TARBP1: variants seen among roughly 807,000 people sequenced by gnomAD.
The protein encoded by TARBP1 is tRNA guanosine 2 -O-methyltransferase TARBP1, also known as tRNA (guanosine(18)-2'-O)-methyltransferase TARBP1.
TARBP1 carries 144 observed loss-of-function variants against 178.6 expected under a neutral mutation model. That is an observed-to-expected ratio of 0.81 (90% CI 0.70 to 0.93). TARBP1 has a LOEUF of 0.93. TARBP1 is among the 40% of genes least tolerant of loss of function. TARBP1 has a pLI of 0.00. For synonymous variants in TARBP1, 787 were observed against 781.0 expected (o/e 1.01, Z -0.13); for missense variants, 2,067 against 2,011.7 (o/e 1.03, Z -0.53).
chr1:234,391,726 G>C lies in TARBP1; in HGVS notation c.4717C>G (p.Pro1573Ala). The C allele has an allele frequency of 6.2e-7, 1 of 1,613,130 alleles. No homozygotes were observed. Among genetic ancestry groups the C allele is most frequent in the Non-Finnish European group, 8.5e-7 (1 of 1,179,814 alleles). ...LLLGNEREGI[P>A]ANLIQQLDVC... Reference sequence around the variant, plus strand: ...TCCAACTGTTGGATCAGATTTGCTGGAATTCCCTCACGTTCATTTCTGAGG... The same window carrying C: ...TCCAACTGTTGGATCAGATTTGCTGCAATTCCCTCACGTTCATTTCTGAGG... The change falls in exon 30 of 30, where the codon CCA (proline) becomes GCA (alanine). Residue 1573 changes from proline to alanine, a missense_variant. Physicochemically the swap from Pro to Ala is conservative, Grantham distance 27. Coordinates refer to ENST00000040877, the MANE Select transcript of TARBP1 (RefSeq NM_005646.4).
intron 13 of TARBP1, among the ~76,000 whole-genome samples, chr1:234,433,961 A>C (rs1367334405): frequency 6.6e-6 from 1 of 152,236 alleles, no homozygotes; most frequent in Non-Finnish European, 1.5e-5. Context: ...CTTCTCACAA[A>C]AAAGATCACT....
At chr1:234,433,736 C>G (rs1408512318) in intron 13 of TARBP1, among the ~76,000 whole-genome samples, 165 bp from the exon 14 acceptor site, 3 of 152,234 alleles carry the variant, frequency 2.0e-5, no homozygotes, top group Non-Finnish European at 4.4e-5. Context: ...CCACGCAGAG[C>G]TAAGGACTTC....
At chr1:234,434,070 C>A (rs1664762977) in intron 13 of TARBP1, among the ~76,000 whole-genome samples, 1 of 152,160 alleles carries the variant, frequency 6.6e-6, no homozygotes, top group Non-Finnish European at 1.5e-5. Flanking sequence ...TTCAGCTCTA[C>A]CATGCACCAG....
At chr1:234,413,106 G>T (rs1662027981) in intron 22 of TARBP1, among the ~76,000 whole-genome samples, 1 of 152,182 alleles carries the variant, frequency 6.6e-6, no homozygotes, top group African/African-American at 2.4e-5. Context: ...CACCAGAGCT[G>T]CTCCTGCCAT....
intron 17 of TARBP1, among the ~76,000 whole-genome samples, chr1:234,428,897 A>G (rs1030973384): frequency 6.6e-6 from 1 of 152,326 alleles, no homozygotes; most frequent in Admixed American, 6.5e-5. Flanking sequence ...TAAACACTGT[A>G]TGAACCAAAC....
intron 9 of TARBP1, among the ~76,000 whole-genome samples, chr1:234,451,813 C>G (rs1321568882): frequency 6.6e-6 from 1 of 151,130 alleles, no homozygotes; most frequent in Non-Finnish European, 1.5e-5. Context: ...AAAGACACCA[C>G]ACAGGTACAA....
intron 6 of TARBP1, among the ~76,000 whole-genome samples, chr1:234,460,890 A>G (rs1667790005): frequency 6.6e-6 from 1 of 152,262 alleles, no homozygotes; most frequent in African/African-American, 2.4e-5. Context: ...GTGCCATAAC[A>G]AGGATAAACC....
At chr1:234,414,304 G>A (rs1662177832) in intron 22 of TARBP1, among the ~76,000 whole-genome samples, 1 of 152,306 alleles carries the variant, frequency 6.6e-6, no homozygotes, top group South Asian at 2.1e-4. Context: ...AGGGGAAGAT[G>A]TGTGGCATAC....
intron 12 of TARBP1, among the ~76,000 whole-genome samples, chr1:234,444,169 C>T (rs1043583965): frequency 6.6e-6 from 1 of 152,036 alleles, no homozygotes; most frequent in Non-Finnish European, 1.5e-5. Flanking sequence ...AAACCTACGT[C>T]AGGAAGAAAA....
Position 234,429,327 on chromosome 1 carries a change from G to A in TARBP1, c.2872-3C>T, listed in dbSNP as rs1664138371. 2 of 1,565,526 alleles carry A rather than the reference G, an allele frequency of 1.3e-6. No individual in the cohort carries two copies. Among genetic ancestry groups the A allele is most frequent in the Non-Finnish European group, 8.6e-7 (1 of 1,164,454 alleles). On this transcript the variant is annotated splice_region_variant and splice_polypyrimidine_tract_variant and intron_variant, in intron 16 of 29. Transcript: ENST00000040877. ...AGTGATTCAGAGGAAGTCAGAAGCT[G>A]GTAGGAAAAAAAAAAATACATACTT...
Position 234,433,446 on chromosome 1 carries a change from T to A in TARBP1, c.2358A>T (p.Ala786=). The part of the protein sequence containing the change: ...IWRVISLLKN[A]SIQHLQEMDS... ...CCATCTCTTGAAGATGCTGAATGGA[T>A]GCATTTTTCAAAAGAGAAATAACTC... Residue 786 remains alanine (A), a synonymous_variant, in exon 14 of 30, where the codon GCA becomes GCT. Transcript: ENST00000040877. 1 of 1,613,808 alleles carries A rather than the reference T, an allele frequency of 6.2e-7. No homozygotes were observed. Among genetic ancestry groups the A allele is most frequent in the Non-Finnish European group, 8.5e-7 (1 of 1,179,968 alleles).
At chr1:234,429,812 C>T in intron 15 of TARBP1, 135 bp from the exon 16 acceptor site, 1 of 1,060,590 alleles carries the variant, frequency 9.4e-7, no homozygotes, top group Non-Finnish European at 1.3e-6. Flanking sequence ...TATCAAACAG[C>T]CTATCTACCA....
intron 21 of TARBP1, among the ~76,000 whole-genome samples, chr1:234,419,140 T>G (rs1405997456): frequency 6.6e-6 from 1 of 151,866 alleles, no homozygotes; most frequent in Non-Finnish European, 1.5e-5. Context: ...GCCACTGCAC[T>G]CCAGCCTGGG....
intron 28 of TARBP1, 142 bp downstream of exon 28, chr1:234,393,220 G>A (rs1157737433): frequency 1.2e-6 from 1 of 837,298 alleles, no homozygotes; most frequent in African/African-American, 1.7e-5. Flanking sequence ...TATAAATTAT[G>A]CAAAAGGACT....
intron 12 of TARBP1, among the ~76,000 whole-genome samples, chr1:234,442,773 C>T (rs1665718022): frequency 6.6e-6 from 1 of 152,132 alleles, no homozygotes; most frequent in Non-Finnish European, 1.5e-5. Flanking sequence ...CAAGGGAAAG[C>T]TTAGGCCTTG....
intron 22 of TARBP1, among the ~76,000 whole-genome samples, chr1:234,411,583 CAG>C (rs1661827497): frequency 6.6e-6 from 1 of 152,124 alleles, no homozygotes; most frequent in Non-Finnish European, 1.5e-5. Flanking sequence ...GCCAGTTTGG[CAG>C]AGAGTGATGG....
At chr1:234,424,683 T>C (rs559375896) in intron 20 of TARBP1, among the ~76,000 whole-genome samples, 1 of 152,274 alleles carries the variant, frequency 6.6e-6, no homozygotes, top group East Asian at 1.9e-4. Context: ...CCCAGCACTT[T>C]GGGAGGCCAA....
In TARBP1 at chr1:234,409,634, G is replaced by A. The variant is rs186364952; in HGVS notation, c.3792+811C>T. On this transcript the variant is annotated intron_variant, in intron 23 of 29. Coordinates refer to ENST00000040877, the MANE Select transcript of TARBP1 (RefSeq NM_005646.4). ...ATTTTAGAGGAAAATGTGGTGTGGAGAAAGGCCTGTCTTTGAATGGATGAA... is the reference window on the plus strand; with the variant it reads ...ATTTTAGAGGAAAATGTGGTGTGGAAAAAGGCCTGTCTTTGAATGGATGAA... 6.3e-3 allele frequency among the ~76,000 whole-genome samples: 962 copies of A among 152,318 alleles called. 6 individuals carry two copies. The highest frequency in any genetic ancestry group is 0.021 in the African/African-American group (891 of 41,568).
At chr1:234,410,553 C>T (rs1661697832) in intron 22 of TARBP1, 22 bp from the exon 23 acceptor site, 1 of 1,391,074 alleles carries the variant, frequency 7.2e-7, no homozygotes, top group Admixed American at 1.8e-5. Flanking sequence ...ATCAGATAAA[C>T]AAATATTGAT....
Sources: allele counts gnomAD v4.1 joint callset (sites outside exome capture counted in the v4.1 genomes callset), GRCh38; gene constraint gnomAD v4.1.1; transcripts MANE v1.5; gene names NCBI Gene and HGNC (gene_info 2026-07-23, HGNC 2026-07-21).